The following CDK17 variants were observed in gnomAD, a reference collection of about 807,000 sequenced individuals.
CDK17 encodes cyclin dependent kinase 17.
A neutral mutation model predicts 77.6 loss-of-function variants in CDK17; 24 were observed. The ratio of observed to expected loss-of-function variants is 0.31; its 90% CI spans 0.22 to 0.44. The LOEUF is 0.44. Ranked by LOEUF, CDK17 falls within the 20% of genes least tolerant of loss-of-function variation. The pLI is 1.00. For missense variants in CDK17, 429 were observed against 622.5 expected (o/e 0.69, Z 3.31); for synonymous variants, 203 against 210.4 (o/e 0.96, Z 0.30).
At position 96,279,116 on chromosome 12, in the gene CDK17, C is replaced by T. The variant is rs1175010649; in HGVS notation, c.*1126G>A. 6.6e-6 allele frequency: 1 copy of T among 152,454 alleles called. No individual in the cohort carries two copies. Among genetic ancestry groups the T allele is most frequent in the Admixed American group, 6.5e-5 (1 of 15,270 alleles). 9.4% of individuals were successfully genotyped at this position (152,454 alleles called of 1,614,324 possible). On this transcript the variant is annotated 3_prime_UTR_variant, in exon 17 of 17. Transcript: ENST00000261211. ...AACAAAAATGCTTAAAATACTGTTA[C>T]CAACACCAAAGTGTGTTTATGATGT... is the stretch of plus-strand genomic sequence containing the variant.
intron 1 of CDK17, among the ~76,000 whole-genome samples, chr12:96,358,369 G>GT (rs1447980219): frequency 2.5e-4 from 8 of 31,714 alleles, no homozygotes; most frequent in African/African-American, 8.6e-4. Context: ...GTGCAAACTT[G>GT]TAAAAAAAAA....
At chr12:96,349,873 A>G (rs541340903) in intron 1 of CDK17, among the ~76,000 whole-genome samples, 1 of 152,346 alleles carries the variant, frequency 6.6e-6, no homozygotes, top group East Asian at 1.9e-4. Context: ...AGAAAACCTT[A>G]AAGAATCCAC....
chr12:96,356,268 A>G (rs891497702), intron 1 of CDK17, among the ~76,000 whole-genome samples: 2 of 152,186 alleles, frequency 1.3e-5, no homozygotes, highest in Admixed American at 1.3e-4. Context: ...CTTTACATGA[A>G]AACTGTTTGA....
chr12:96,390,929 A>G (rs1333974759), intron 1 of CDK17, among the ~76,000 whole-genome samples: 4 of 151,734 alleles, frequency 2.6e-5, no homozygotes, highest in African/African-American at 9.7e-5. Flanking sequence ...ACTACTAAAA[A>G]TACAAAAATT....
intron 1 of CDK17, among the ~76,000 whole-genome samples, chr12:96,373,550 G>A (rs896912885): frequency 6.6e-6 from 1 of 152,038 alleles, no homozygotes; most frequent in Non-Finnish European, 1.5e-5. Context: ...AGCCGAGATT[G>A]CGCCATTGCA....
chr12:96,304,515 G>A (rs373440926), intron 5 of CDK17, among the ~76,000 whole-genome samples: 1 of 149,426 alleles, frequency 6.7e-6, no homozygotes, highest in Admixed American at 6.7e-5. Context: ...CCAGCCTGGC[G>A]ACAGAGCAAG....
chr12:96,378,038 T>C (rs1373777482), intron 1 of CDK17, among the ~76,000 whole-genome samples: 2 of 152,210 alleles, frequency 1.3e-5, no homozygotes, highest in African/African-American at 2.4e-5. Context: ...GTTTTAGATT[T>C]ACAGAAAAAT....
At chr12:96,346,338 G>A (rs1953210594) in intron 1 of CDK17, among the ~76,000 whole-genome samples, 1 of 152,062 alleles carries the variant, frequency 6.6e-6, no homozygotes, top group South Asian at 2.1e-4. Context: ...TGTAGTCCCA[G>A]CTACTCGGGA....
intron 1 of CDK17, among the ~76,000 whole-genome samples, chr12:96,355,676 G>A (rs1028878215): frequency 6.6e-6 from 1 of 152,052 alleles, no homozygotes; most frequent in African/African-American, 2.4e-5. Flanking sequence ...AAAGTGCTGG[G>A]ATTACAGGCG....
At chr12:96,389,180 G>T (rs1204971443) in intron 1 of CDK17, among the ~76,000 whole-genome samples, 5 of 147,252 alleles carry the variant, frequency 3.4e-5, no homozygotes, top group Middle Eastern at 3.5e-3. Context: ...TCCCTATGTT[G>T]CCCAGGCTGG....
intron 1 of CDK17, among the ~76,000 whole-genome samples, chr12:96,354,011 T>C (rs916333780): frequency 3.9e-5 from 6 of 152,150 alleles, no homozygotes; most frequent in African/African-American, 9.7e-5. Context: ...GGTCAGAAAC[T>C]TGACGAATAC....
At chr12:96,366,045 T>C (rs1953578196) in intron 1 of CDK17, among the ~76,000 whole-genome samples, 1 of 152,158 alleles carries the variant, frequency 6.6e-6, no homozygotes, top group Admixed American at 6.5e-5. Context: ...AATTCCACAA[T>C]TAGTAAGGAA....
At chr12:96,386,443 G>C (rs1953977674) in intron 1 of CDK17, among the ~76,000 whole-genome samples, 1 of 152,158 alleles carries the variant, frequency 6.6e-6, no homozygotes, top group South Asian at 2.1e-4. Flanking sequence ...GAGCCCAGAA[G>C]TTTGAGACCA....
At chr12:96,379,499 T>C (rs1953841759) in intron 1 of CDK17, among the ~76,000 whole-genome samples, 3 of 152,106 alleles carry the variant, frequency 2.0e-5, no homozygotes, top group Non-Finnish European at 4.4e-5. Flanking sequence ...CATAGCTCAC[T>C]GCAACCTCAA....
intron 1 of CDK17, among the ~76,000 whole-genome samples, chr12:96,369,819 G>A (rs1456668112): frequency 1.4e-5 from 2 of 148,092 alleles, no homozygotes; most frequent in East Asian, 1.9e-4. Context: ...GGTGGCTCAC[G>A]CCTGTAATCC....
intron 2 of CDK17, among the ~76,000 whole-genome samples, chr12:96,331,794 G>A (rs780707422): frequency 3.3e-5 from 5 of 152,138 alleles, no homozygotes; most frequent in African/African-American, 4.8e-5. Flanking sequence ...TGGATCTAGA[G>A]TATGCATGAG....
At chr12:96,325,959 G>A (rs904878991) in intron 2 of CDK17, among the ~76,000 whole-genome samples, 10 of 152,108 alleles carry the variant, frequency 6.6e-5, no homozygotes, top group East Asian at 3.9e-4. Flanking sequence ...AGGAGTTTGC[G>A]GCTGCAGTGA....
At chr12:96,332,491 C>CT (rs1382397564) in intron 2 of CDK17, among the ~76,000 whole-genome samples, 8 of 151,790 alleles carry the variant, frequency 5.3e-5, no homozygotes, top group Admixed American at 3.3e-4. Flanking sequence ...TGTGACCTGT[C>CT]TAACAGCTTT....
chr12:96,340,700 TAAG>T (rs1953109572), intron 1 of CDK17, among the ~76,000 whole-genome samples: 1 of 152,228 alleles, frequency 6.6e-6, no homozygotes, highest in South Asian at 2.1e-4. Flanking sequence ...ACACTGGCTT[TAAG>T]GTTAATCTTT....
Sources: allele counts gnomAD v4.1 joint callset (sites outside exome capture counted in the v4.1 genomes callset), GRCh38; gene constraint gnomAD v4.1.1; transcripts MANE v1.5; gene names NCBI Gene and HGNC (gene_info 2026-07-23, HGNC 2026-07-21).